Variants in NEBL observed in about 807,000 individuals in gnomAD.
NEBL encodes nebulette, also known as LIM and SH3 protein 2.
A neutral mutation model predicts 140.2 loss-of-function variants in NEBL; 122 were observed. The observed-to-expected ratio is 0.87, with a 90% CI of 0.75 to 1.01. The LOEUF is 1.01. NEBL is among the 50% of genes least tolerant of loss of function. NEBL has a pLI of 0.00. For synonymous variants in NEBL, 436 were observed against 398.9 expected, an observed-to-expected ratio of 1.09 and a Z score of -1.11; for missense variants, 1,365 against 1,231.3, an observed-to-expected ratio of 1.11 and a Z score of -1.62.
chr10:21,081,700 G>A (rs541447124), intron 2 of NEBL, among the ~76,000 whole-genome samples: 27 of 152,228 alleles, frequency 1.8e-4, no homozygotes, highest in African/African-American at 6.3e-4. Flanking sequence ...TTGATTCCAG[G>A]GATGGGGGAG....
chr10:21,115,032 C>T (rs1285888986), intron 2 of NEBL, among the ~76,000 whole-genome samples: 1 of 151,428 alleles, frequency 6.6e-6, no homozygotes, highest in African/African-American at 2.4e-5. Flanking sequence ...TCCTTTTTAT[C>T]TTCTTTATTG....
At chr10:20,840,592 T>C (rs1841321435) in intron 13 of NEBL, 147 bp downstream of exon 13, 2 of 631,580 alleles carry the variant, frequency 3.2e-6, no homozygotes, top group African/African-American at 1.8e-5. Flanking sequence ...AAAAAATTAA[T>C]AGTCCAAGAA....
intron 2 of NEBL, among the ~76,000 whole-genome samples, chr10:21,114,401 T>C (rs1337109489): frequency 6.6e-6 from 1 of 152,084 alleles, no homozygotes; most frequent in East Asian, 1.9e-4. Flanking sequence ...CATTCTGCTG[T>C]TGTGAGATAG....
At position 20,835,580 on chromosome 10, in the gene NEBL, C is replaced by T. The variant is rs768161805; in HGVS notation, c.1382G>A (p.Gly461Glu). 1.9e-6 allele frequency: 3 copies of T among 1,612,590 alleles called. No individual in the cohort carries two copies. Among genetic ancestry groups the T allele is most frequent in the Admixed American group, 1.7e-5 (1 of 60,022 alleles). Residue 461 changes from glycine to glutamate, a missense_variant, in exon 14 of 28, where the codon GGA becomes GAA. This residue lies in a region of NEBL where 1,323 missense variants were observed against 1,154.8 expected (regional missense o/e 1.15). Coordinates refer to ENST00000377122, the MANE Select transcript of NEBL (RefSeq NM_006393.3). The stretch of plus-strand genomic sequence containing the variant: ...AAGGGTGTCAGTGCCAGCTTGCATT[C>T]CTTTCCCTTTAATTATTGACTCCAG... ...KDLESIIKGK[G>E]MQAGTDTLEM...
chr10:21,014,232 T>C (rs1241134097), intron 3 of NEBL, among the ~76,000 whole-genome samples: 1 of 152,096 alleles, frequency 6.6e-6, no homozygotes, highest in African/African-American at 2.4e-5. Context: ...CAAGTGATCC[T>C]TGCACCTCAG....
chr10:21,149,618 C>A (rs1840060454), intron 2 of NEBL, among the ~76,000 whole-genome samples: 1 of 152,172 alleles, frequency 6.6e-6, no homozygotes, highest in African/African-American at 2.4e-5. Flanking sequence ...AACCAGTAAA[C>A]ATAAGCAAGG....
intron 3 of NEBL, among the ~76,000 whole-genome samples, chr10:20,969,548 T>TC (rs1252155922): frequency 3.4e-5 from 5 of 145,390 alleles, no homozygotes; most frequent in Non-Finnish European, 7.6e-5. Flanking sequence ...TCTTTTCTTT[T>TC]TTTTTTTTTT....
At chr10:20,943,131 C>T (rs1294942031) in intron 4 of NEBL, among the ~76,000 whole-genome samples, 2 of 152,290 alleles carry the variant, frequency 1.3e-5, no homozygotes, top group East Asian at 3.9e-4. Context: ...TATAAAGACA[C>T]ATGCACACGT....
intron 2 of NEBL, among the ~76,000 whole-genome samples, chr10:21,168,693 G>A (rs932951217): frequency 6.6e-5 from 10 of 152,130 alleles, no homozygotes; most frequent in South Asian, 4.2e-4. Flanking sequence ...CATGCATGAC[G>A]TAGTTTCTAG....
chr10:20,958,282 T>C (rs1228151408), intron 4 of NEBL, among the ~76,000 whole-genome samples: 1 of 152,170 alleles, frequency 6.6e-6, no homozygotes, highest in Admixed American at 6.6e-5. Flanking sequence ...TGTACAAAGA[T>C]ATTTCTGCCA....
chr10:20,789,302 A>T (rs1240314585), intron 26 of NEBL, among the ~76,000 whole-genome samples: 1 of 152,238 alleles, frequency 6.6e-6, no homozygotes, highest in Admixed American at 6.5e-5. Context: ...TAAAAATTAA[A>T]TTCTAATTCA....
chr10:21,200,534 G>A (rs981507106), intron 3 of NEBL, among the ~76,000 whole-genome samples: 8 of 152,036 alleles, frequency 5.3e-5, no homozygotes, highest in South Asian at 4.1e-4. Flanking sequence ...GGCTGGTCTC[G>A]AACTCCTTAC....
chr10:21,198,086 T>C lies in NEBL; in HGVS notation n.349-25609A>G, dbSNP rs531002079. Reference sequence around the variant, plus strand: ...AAATTACACAGCAAGAAAACAAACCTGTTGGTCATGTAACGTCTGTAGCAT... The same window carrying C: ...AAATTACACAGCAAGAAAACAAACCCGTTGGTCATGTAACGTCTGTAGCAT... On this transcript the variant is annotated intron_variant and non_coding_transcript_variant, in intron 3 of 8. Transcript: ENST00000675702. Among the ~76,000 whole-genome samples the C allele has an allele frequency of 7.9e-5, 12 of 152,156 alleles. No individual in the cohort carries two copies. In the South Asian group the frequency reaches 1.5e-3, roughly 18 times the overall value.
At chr10:20,917,685 C>A (rs1833372172) in intron 4 of NEBL, among the ~76,000 whole-genome samples, 1 of 152,156 alleles carries the variant, frequency 6.6e-6, no homozygotes, top group South Asian at 2.1e-4. Flanking sequence ...AAAGTGAATG[C>A]TCTCTAAACA....
intron 2 of NEBL, among the ~76,000 whole-genome samples, chr10:21,044,558 G>C (rs1228717311): frequency 6.6e-6 from 1 of 152,052 alleles, no homozygotes; most frequent in African/African-American, 2.4e-5. Context: ...TTAAATAGGA[G>C]AGGGGTGCTT....
At chr10:21,227,722 T>TCTTCTTCTTC (rs1842182776) in intron 3 of NEBL, among the ~76,000 whole-genome samples, 4 of 103,666 alleles carry the variant, frequency 3.9e-5, no homozygotes, top group African/African-American at 7.8e-5. Context: ...TTCTTCTTCT[T>TCTTCTTCTTC]CTTCTTCTTC....
chr10:20,955,142 A>G (rs1013386262), intron 4 of NEBL, among the ~76,000 whole-genome samples: 1 of 152,186 alleles, frequency 6.6e-6, no homozygotes, highest in Admixed American at 6.5e-5. Flanking sequence ...GGAGGGCCCT[A>G]AATTAGAGAG....
chr10:21,013,657 C>T (rs1171971067), intron 3 of NEBL, among the ~76,000 whole-genome samples: 2 of 152,178 alleles, frequency 1.3e-5, no homozygotes, highest in African/African-American at 4.8e-5. Flanking sequence ...GTGGGTAGAT[C>T]ACTTGAGGTC....
chr10:21,044,253 T>C (rs780352088), intron 2 of NEBL, among the ~76,000 whole-genome samples: 8 of 151,752 alleles, frequency 5.3e-5, no homozygotes, highest in Non-Finnish European at 1.0e-4. Flanking sequence ...AAAAATTAGC[T>C]GGGCGTGGTG....
Sources: gnomAD v4.1 joint callset for allele counts (sites outside exome capture counted in the v4.1 genomes callset) on GRCh38, gnomAD v4.1.1 for gene constraint, gnomAD v4.1.1 regional missense constraint, MANE v1.5 for transcripts, NCBI Gene and HGNC (gene_info 2026-07-23, HGNC 2026-07-21) for gene names.